KLRD1: variants seen among roughly 807,000 people sequenced by gnomAD.
The protein encoded by KLRD1 is killer cell lectin like receptor D1, also known as natural killer cells antigen CD94.
Under a neutral mutation model 22.6 loss-of-function variants are expected in KLRD1, and 21 were observed. The ratio of observed to expected loss-of-function variants is 0.93; its 90% confidence interval spans 0.66 to 1.34. The LOEUF is 1.34. Ranked by LOEUF, KLRD1 falls within the 40% of genes most tolerant of loss-of-function variation. The pLI, the probability that KLRD1 is intolerant of heterozygous loss-of-function variation, is 0.00. For synonymous variants in KLRD1, 59 were observed against 71.1 expected, an observed-to-expected ratio of 0.83 and a Z score of 0.85; for missense variants, 183 against 208.6, an observed-to-expected ratio of 0.88 and a Z score of 0.76.
At chr12:10,240,662 G>A (rs974915558) in intron 1 of KLRD1, among the ~76,000 whole-genome samples, 2 of 152,040 alleles carry the variant, frequency 1.3e-5, no homozygotes, top group Non-Finnish European at 2.9e-5. Flanking sequence ...AAACTACCAC[G>A]TGCCCATCAC....
At chr12:10,294,414 T>C (rs1949803852) in intron 1 of KLRD1, among the ~76,000 whole-genome samples, 1 of 152,212 alleles carries the variant, frequency 6.6e-6, no homozygotes, top group South Asian at 2.1e-4. Context: ...TGTTCGTTTT[T>C]TTGAGAAGGA....
intron 1 of KLRD1, among the ~76,000 whole-genome samples, chr12:10,290,562 AACAC>A (rs1220112445): frequency 1.3e-5 from 2 of 152,180 alleles, no homozygotes; most frequent in African/African-American, 2.4e-5. Context: ...TGCACGCACA[AACAC>A]ACACACATTG....
intron 1 of KLRD1, among the ~76,000 whole-genome samples, chr12:10,263,618 G>A (rs1326559868): frequency 6.6e-6 from 1 of 152,026 alleles, no homozygotes; most frequent in Non-Finnish European, 1.5e-5. Context: ...TCTGATCCCT[G>A]TCCAATAACA....
intron 1 of KLRD1, among the ~76,000 whole-genome samples, chr12:10,287,984 C>T (rs1235071440): frequency 2.0e-5 from 3 of 150,928 alleles, no homozygotes; most frequent in East Asian, 3.9e-4. Context: ...AGGAGAATGG[C>T]GTGAACCTGG....
upstream of KLRD1, chr12:10,307,754 C>T (rs1949956242): frequency 4.1e-6 from 1 of 241,110 alleles, no homozygotes; most frequent in Non-Finnish European, 7.9e-6. Context: ...CTCCCTCTGA[C>T]CTCCTCTCAC....
intron 1 of KLRD1, among the ~76,000 whole-genome samples, chr12:10,292,878 G>A (rs1343593145): frequency 6.6e-6 from 1 of 151,944 alleles, no homozygotes; most frequent in Non-Finnish European, 1.5e-5. Context: ...GTTTAGTGTA[G>A]CCACCTTTAT....
At chr12:10,246,259 T>C (rs566296832) in intron 1 of KLRD1, among the ~76,000 whole-genome samples, 2,496 of 152,090 alleles carry the variant, frequency 0.016, 35 homozygotes, top group Non-Finnish European at 0.024. Flanking sequence ...TTGTGGGGAT[T>C]TTTTTTTCAT....
chr12:10,321,620 C>T lies in KLRD1; in HGVS notation c.*6827C>T, dbSNP rs1346073660. On this transcript the variant is annotated 3_prime_UTR_variant, in exon 6 of 6. Coordinates refer to ENST00000336164, the MANE Select transcript of KLRD1 (RefSeq NM_002262.5). ...AAGTTATCGCATATCACTTTTGAGG[C>T]TAGATTATAAAAGACAGTATGTCTT... The T allele has an allele frequency of 1.3e-5, 2 of 152,192 alleles. No individual in the cohort carries two copies. Among genetic ancestry groups the T allele is most frequent in the Non-Finnish European group, 2.9e-5 (2 of 68,032 alleles). The allele number at this position is 152,192 out of a possible 1,614,324, so 9.4% of individuals were successfully genotyped here.
At chr12:10,257,661 T>C in intron 1 of KLRD1, among the ~76,000 whole-genome samples, 1 of 44,282 alleles carries the variant, frequency 2.3e-5, no homozygotes, top group East Asian at 5.2e-4. Flanking sequence ...CTTTAACTTT[T>C]TGAGCATATT....
At chr12:10,248,066 T>C (rs1592022042) in intron 1 of KLRD1, among the ~76,000 whole-genome samples, 1 of 152,178 alleles carries the variant, frequency 6.6e-6, no homozygotes, top group African/African-American at 2.4e-5. Context: ...AGTTGCAATG[T>C]GCACATGCGT....
In KLRD1 at chr12:10,324,843, T is replaced by TATATATATATATATATA. The variant is rs60673819; in HGVS notation, c.*10050_*10051insATATATATATATATATA. On this transcript the variant is annotated 3_prime_UTR_variant, in exon 6 of 6. Transcript: ENST00000336164. ...GTATATATATATATATATATATATA[T>TATATATATATATATATA]TCATTTACACAGTTGATTCTAAGTG... is the stretch of plus-strand genomic sequence containing the variant. 234 of 141,626 alleles carry TATATATATATATATATA rather than the reference T, an allele frequency of 1.7e-3. No homozygotes were observed. The highest frequency in any genetic ancestry group is 2.9e-3 in the South Asian group (13 of 4,456). 8.8% of individuals were successfully genotyped at this position (141,626 alleles called of 1,614,324 possible).
chr12:10,327,411 T>G lies in KLRD1; in HGVS notation c.*12618T>G, dbSNP rs1455276823. ...GGTTCCATGTATATTTTAGTATCAT[T>G]GTTTTCCTAATTCTAAAATGCCATT... is the stretch of plus-strand genomic sequence containing the variant. On this transcript the variant is annotated 3_prime_UTR_variant, in exon 6 of 6. Transcript: ENST00000336164. 6.6e-6 allele frequency: 1 copy of G among 152,232 alleles called. No individual in the cohort carries two copies. The highest frequency in any genetic ancestry group is 1.5e-5 in the Non-Finnish European group (1 of 68,040). The allele number at this position is 152,232 out of a possible 1,614,324, so 9.4% of individuals were successfully genotyped here. A position where few individuals can be genotyped will look rare whatever the true frequency, so the allele number is the denominator to read the frequency against.
At chr12:10,280,989 A>G (rs925876750) in intron 1 of KLRD1, among the ~76,000 whole-genome samples, 4 of 152,200 alleles carry the variant, frequency 2.6e-5, no homozygotes, top group African/African-American at 9.7e-5. Flanking sequence ...AATGGCTCCA[A>G]GTATATCCAG....
rs901061209 is a variant in KLRD1, at chr12:10,328,128, G to A, written c.*13335G>A. The A allele has an allele frequency of 1.3e-5, 2 of 152,006 alleles. No homozygotes were observed. Among genetic ancestry groups the A allele is most frequent in the Admixed American group, 6.6e-5 (1 of 15,246 alleles). 9.4% of individuals were successfully genotyped at this position (152,006 alleles called of 1,614,324 possible). A position where few individuals can be genotyped will look rare whatever the true frequency, so the allele number is the denominator to read the frequency against. ...CATATTGGCTTATAGTTTTCTTGTG[G>A]TATCTTTGACAAGCTTTGGTGTAAT... is the stretch of plus-strand genomic sequence containing the variant. On this transcript the variant is annotated 3_prime_UTR_variant, in exon 6 of 6. Coordinates refer to ENST00000336164, the MANE Select transcript of KLRD1 (RefSeq NM_002262.5).
At chr12:10,265,322 C>T (rs1949489184) in intron 1 of KLRD1, among the ~76,000 whole-genome samples, 1 of 152,114 alleles carries the variant, frequency 6.6e-6, no homozygotes, top group African/African-American at 2.4e-5. Flanking sequence ...GATATATTTA[C>T]TTCATAAACT....
intron 1 of KLRD1, among the ~76,000 whole-genome samples, chr12:10,282,258 A>ATTT (rs753332995): frequency 7.0e-6 from 1 of 143,510 alleles, no homozygotes; most frequent in Admixed American, 7.0e-5. Context: ...GTATACATAC[A>ATTT]TTTTTTTTTT....
intron 1 of KLRD1, among the ~76,000 whole-genome samples, chr12:10,285,080 A>C (rs998244214): frequency 6.6e-6 from 1 of 152,200 alleles, no homozygotes; most frequent in African/African-American, 2.4e-5. Context: ...ATAAAAGAAC[A>C]ATCTATGCCC....
chr12:10,297,313 GC>G (rs1949831101), intron 1 of KLRD1, among the ~76,000 whole-genome samples: 1 of 152,038 alleles, frequency 6.6e-6, no homozygotes, highest in Non-Finnish European at 1.5e-5. Flanking sequence ...TTAGGAAAGC[GC>G]CAAGTCTGTT....
chr12:10,247,756 C>G (rs10845086), intron 1 of KLRD1, among the ~76,000 whole-genome samples: 1 of 151,860 alleles, frequency 6.6e-6, no homozygotes, highest in Non-Finnish European at 1.5e-5. Context: ...AGTGAGTTCT[C>G]ATAACATCTG....
Sources: allele counts gnomAD v4.1 joint callset (sites outside exome capture counted in the v4.1 genomes callset), GRCh38; gene constraint gnomAD v4.1.1; transcripts MANE v1.5; gene names NCBI Gene and HGNC (gene_info 2026-07-23, HGNC 2026-07-21).